PRKCE: variants seen among roughly 807,000 people sequenced by gnomAD.
The protein encoded by PRKCE is protein kinase C epsilon type.
Under a neutral mutation model 85.4 loss-of-function variants are expected in PRKCE, and 16 were observed. The ratio of observed to expected loss-of-function variants is 0.19; its 90% CI spans 0.13 to 0.28. PRKCE has a LOEUF of 0.28. Among genes scored for constraint, PRKCE ranks in the 10% least tolerant of loss-of-function variants. The pLI is 1.00. For missense variants in PRKCE, 573 were observed against 975.2 expected, an observed-to-expected ratio of 0.59 and a Z score of 5.49; for synonymous variants, 388 against 371.5, an observed-to-expected ratio of 1.04 and a Z score of -0.51.
At chr2:46,173,081 G>T (rs551919442) in intron 14 of PRKCE, among the ~76,000 whole-genome samples, 6 of 152,178 alleles carry the variant, frequency 3.9e-5, no homozygotes, top group Non-Finnish European at 8.8e-5. Flanking sequence ...TTGAGGCAGG[G>T]GTCTGCGAAC....
intron 1 of PRKCE, among the ~76,000 whole-genome samples, chr2:45,809,799 G>A (rs151158239): frequency 0.045 from 6,719 of 150,906 alleles, 517 homozygotes; most frequent in African/African-American, 0.16. Flanking sequence ...AGGATTGCTT[G>A]AACCCAGGAG....
At chr2:45,794,412 G>A (rs1479143443) in intron 1 of PRKCE, among the ~76,000 whole-genome samples, 1 of 152,154 alleles carries the variant, frequency 6.6e-6, no homozygotes, top group Non-Finnish European at 1.5e-5. Context: ...CAGACAGGAA[G>A]GAATTACACT....
chr2:45,721,601 G>A (rs934363409), intron 1 of PRKCE, among the ~76,000 whole-genome samples: 1 of 152,142 alleles, frequency 6.6e-6, no homozygotes, highest in African/African-American at 2.4e-5. Context: ...AGTTGACATG[G>A]TGGCTCACGC....
chr2:45,947,342 A>G lies in PRKCE; in HGVS notation c.413-29087A>G, dbSNP rs188161993. ...GGAGAGAGGCAGGCGTGAATGAGGG[A>G]TGCCTGGTAAAGGGTGTGGAACTTC... On this transcript the variant is annotated intron_variant, in intron 2 of 14. Transcript: ENST00000306156. Among the ~76,000 whole-genome samples the G allele has an allele frequency of 9.9e-4, 150 of 152,192 alleles. 2 individuals carry two copies. Among genetic ancestry groups the G allele is most frequent in the Admixed American group, 9.2e-3 (140 of 15,276 alleles).
chr2:45,753,101 A>C (rs112934351), intron 1 of PRKCE, among the ~76,000 whole-genome samples: 167 of 152,230 alleles, frequency 1.1e-3, no homozygotes, highest in African/African-American at 3.7e-3. Context: ...GGGTGTATGC[A>C]TGTATATACC....
At chr2:45,999,879 GACT>G (rs767103092) in intron 6 of PRKCE, among the ~76,000 whole-genome samples, 2 of 152,090 alleles carry the variant, frequency 1.3e-5, no homozygotes, top group Non-Finnish European at 2.9e-5. Context: ...GCCATGTCTA[GACT>G]ACTAATAAGC....
intron 1 of PRKCE, among the ~76,000 whole-genome samples, chr2:45,835,873 G>A (rs1257305437): frequency 6.6e-6 from 1 of 152,104 alleles, no homozygotes; most frequent in Non-Finnish European, 1.5e-5. Context: ...GGGATTACAG[G>A]GGTGAGCCAC....
chr2:45,989,520 C>G (rs1216282497), intron 6 of PRKCE, among the ~76,000 whole-genome samples: 6 of 152,150 alleles, frequency 3.9e-5, no homozygotes, highest in Non-Finnish European at 8.8e-5. Flanking sequence ...CTGCCCTCTT[C>G]CCTTCTGAGG....
chr2:45,816,896 C>T (rs549482240), intron 1 of PRKCE, among the ~76,000 whole-genome samples: 2 of 152,198 alleles, frequency 1.3e-5, no homozygotes, highest in East Asian at 1.9e-4. Context: ...AAAGAGACCC[C>T]CTGCTCGGGG....
intron 14 of PRKCE, among the ~76,000 whole-genome samples, chr2:46,182,735 G>A (rs939456997): frequency 2.0e-5 from 3 of 152,134 alleles, no homozygotes; most frequent in Non-Finnish European, 2.9e-5. Flanking sequence ...ACAGTCCCCC[G>A]CGCAGCTCAC....
In PRKCE at chr2:46,155,238, C is replaced by G. The variant is rs551663083; in HGVS notation, c.1920+4009C>G. 1.3e-5 allele frequency among the ~76,000 whole-genome samples: 2 copies of G among 152,210 alleles called. No individual in the cohort carries two copies. The highest frequency in any genetic ancestry group is 3.9e-4 in the East Asian group (2 of 5,176). On this transcript the variant is annotated intron_variant, in intron 13 of 14. Coordinates refer to ENST00000306156, the MANE Select transcript of PRKCE (RefSeq NM_005400.3). This position sits in a 1 kb window ranked among gnomAD's most constrained non-coding sequence, Gnocchi z 4.7. Reference sequence around the variant, plus strand: ...AAACATTAAATGATTATAACTAGTTCAATTAAATGATTACAACTAGTTCAA... The same window carrying G: ...AAACATTAAATGATTATAACTAGTTGAATTAAATGATTACAACTAGTTCAA...
chr2:45,853,670 TAA>T (rs1305555150), intron 2 of PRKCE, among the ~76,000 whole-genome samples: 1 of 152,212 alleles, frequency 6.6e-6, no homozygotes, highest in Non-Finnish European at 1.5e-5. Flanking sequence ...AATGCATGAC[TAA>T]ATGAAAATAA....
At chr2:45,845,178 C>T (rs1341753276) in intron 2 of PRKCE, among the ~76,000 whole-genome samples, 1 of 150,990 alleles carries the variant, frequency 6.6e-6, no homozygotes, top group Admixed American at 6.6e-5. Flanking sequence ...GTGTTATACA[C>T]ATCTGTTCTC....
intron 2 of PRKCE, among the ~76,000 whole-genome samples, chr2:45,890,156 G>A (rs1034294593): frequency 1.3e-5 from 2 of 152,132 alleles, no homozygotes; most frequent in Non-Finnish European, 2.9e-5. Context: ...TGGTAGTTAT[G>A]ATTTAATCTT....
At position 45,909,671 on chromosome 2, in the gene PRKCE, T is replaced by G. The variant is rs75581195; in HGVS notation, c.412+66608T>G. 4.0e-3 allele frequency among the ~76,000 whole-genome samples: 610 copies of G among 152,338 alleles called. 32 individuals carry two copies. In the East Asian group the frequency reaches 0.1, roughly 26 times the overall value. On this transcript the variant is annotated intron_variant, in intron 2 of 14. Coordinates refer to ENST00000306156, the MANE Select transcript of PRKCE (RefSeq NM_005400.3). Reference sequence around the variant, plus strand: ...TTCCTCATCCCCTACCCCCATTCTGTGCTTAGTTTTCCTGGTGAGGCTACC... The same window carrying G: ...TTCCTCATCCCCTACCCCCATTCTGGGCTTAGTTTTCCTGGTGAGGCTACC...
In PRKCE at chr2:45,905,825, C is replaced by G. The variant is rs1357313742; in HGVS notation, c.412+62762C>G. 1.3e-5 allele frequency among the ~76,000 whole-genome samples: 2 copies of G among 152,222 alleles called. No homozygotes were observed. The highest frequency in any genetic ancestry group is 4.8e-5 in the African/African-American group (2 of 41,462). ...GCTTACTCAACTCTGTACTCAGTTACAAATTGGGTGAGATGTGGCTCCCAC... is the reference window on the plus strand; with the variant it reads ...GCTTACTCAACTCTGTACTCAGTTAGAAATTGGGTGAGATGTGGCTCCCAC... On this transcript the variant is annotated intron_variant, in intron 2 of 14. Coordinates refer to ENST00000306156, the MANE Select transcript of PRKCE (RefSeq NM_005400.3). The surrounding 1 kb of genome is among the most constrained non-coding windows in gnomAD (Gnocchi z 4.4).
intron 2 of PRKCE, among the ~76,000 whole-genome samples, chr2:45,863,877 T>C (rs1693371090): frequency 6.6e-6 from 1 of 152,084 alleles, no homozygotes; most frequent in Non-Finnish European, 1.5e-5. Flanking sequence ...CTGGCTGCAC[T>C]GGAGAGTCTA....
At chr2:45,871,314 G>A (rs181379721) in intron 2 of PRKCE, among the ~76,000 whole-genome samples, 2 of 152,186 alleles carry the variant, frequency 1.3e-5, no homozygotes, top group Non-Finnish European at 2.9e-5. Context: ...AGGTTCACAC[G>A]TGCAATTGCA....
intron 14 of PRKCE, chr2:46,160,060 T>A: frequency 3.2e-6 from 1 of 316,594 alleles, no homozygotes; most frequent in Non-Finnish European, 5.8e-6. Flanking sequence ...TAGTTTTCCA[T>A]GTATGGTAGA....
Sources: allele counts gnomAD v4.1 joint callset (sites outside exome capture counted in the v4.1 genomes callset), GRCh38; gene constraint gnomAD v4.1.1; non-coding constraint Gnocchi (gnomAD v3.1); transcripts MANE v1.5; gene names NCBI Gene and HGNC (gene_info 2026-07-23, HGNC 2026-07-21).